GABRA2: variants seen among roughly 807,000 people sequenced by gnomAD.
The protein encoded by GABRA2 is gamma-aminobutyric acid receptor subunit alpha-2.
Under a neutral mutation model 48.7 loss-of-function variants are expected in GABRA2, and 16 were observed. The ratio of observed to expected loss-of-function variants is 0.33; its 90% CI spans 0.22 to 0.50. GABRA2 has a LOEUF of 0.50. Ranked by LOEUF, GABRA2 falls within the 20% of genes least tolerant of loss-of-function variation. GABRA2 has a pLI of 0.98. For synonymous variants in GABRA2, 185 were observed against 184.5 expected (o/e 1.00, Z -0.02); for missense variants, 275 against 535.6 (o/e 0.51, Z 4.80).
intron 8 of GABRA2, among the ~76,000 whole-genome samples, chr4:46,285,162 C>T (rs482179): frequency 0.61 from 92,582 of 151,688 alleles, 28,757 homozygotes; most frequent in South Asian, 0.76. Context: ...CATACACATA[C>T]GCTCATACAG....
chr4:46,254,247 C>A (rs1480930707), intron 9 of GABRA2, among the ~76,000 whole-genome samples: 1 of 151,404 alleles, frequency 6.6e-6, no homozygotes, highest in Non-Finnish European at 1.5e-5. Flanking sequence ...TCCAGCCACA[C>A]CATCAGCAGG....
At chr4:46,359,712 T>C (rs898066790) in intron 3 of GABRA2, among the ~76,000 whole-genome samples, 10 of 152,118 alleles carry the variant, frequency 6.6e-5, no homozygotes, top group African/African-American at 2.4e-4. Context: ...GGTCAGGAGA[T>C]TGAGACCATC....
intron 8 of GABRA2, among the ~76,000 whole-genome samples, chr4:46,286,937 G>GT (rs1195644957): frequency 6.6e-6 from 1 of 152,070 alleles, no homozygotes; most frequent in Non-Finnish European, 1.5e-5. Flanking sequence ...ATACACAAAA[G>GT]TTTTTTCATG....
chr4:46,308,621 A>T (rs931090439), intron 6 of GABRA2, among the ~76,000 whole-genome samples: 1 of 152,234 alleles, frequency 6.6e-6, no homozygotes, highest in African/African-American at 2.4e-5. Flanking sequence ...AATGTGAAGA[A>T]AACAAAATTA....
chr4:46,314,796 T>A (rs114494836), intron 4 of GABRA2, among the ~76,000 whole-genome samples: 2,136 of 152,242 alleles, frequency 0.014, 54 homozygotes, highest in African/African-American at 0.049. Context: ...GCTGCATCCA[T>A]GTTGCTGCAG....
chr4:46,325,559 T>G (rs1730209518), intron 4 of GABRA2, among the ~76,000 whole-genome samples: 1 of 152,046 alleles, frequency 6.6e-6, no homozygotes, highest in South Asian at 2.1e-4. Context: ...CCCTTTCCCA[T>G]GAAGAAGCTT....
intron 8 of GABRA2, among the ~76,000 whole-genome samples, chr4:46,288,063 C>G (rs1722899002): frequency 6.6e-6 from 1 of 152,082 alleles, no homozygotes; most frequent in Non-Finnish European, 1.5e-5. Context: ...ATCATGAGAA[C>G]AGAATGAGAA....
chr4:46,245,048 T>C lies in GABRA2; in HGVS notation c.*5260A>G, dbSNP rs1404348608. 6.6e-6 allele frequency among the ~76,000 whole-genome samples: 1 copy of C among 151,362 alleles called. No individual in the cohort carries two copies. The highest frequency in any genetic ancestry group is 1.5e-5 in the Non-Finnish European group (1 of 67,538). ...GTTGTTTTTTGTTTTTTTGTTTGTTTGTTTCGTTTACCTTTCCTATAATAT... is the reference window on the plus strand; with the variant it reads ...GTTGTTTTTTGTTTTTTTGTTTGTTCGTTTCGTTTACCTTTCCTATAATAT... On this transcript the variant is annotated 3_prime_UTR_variant, in exon 10 of 10. Coordinates refer to ENST00000381620, the MANE Select transcript of GABRA2 (RefSeq NM_000807.4).
intron 8 of GABRA2, among the ~76,000 whole-genome samples, chr4:46,263,335 A>AT (rs1717435041): frequency 6.6e-6 from 1 of 151,940 alleles, no homozygotes; most frequent in Non-Finnish European, 1.5e-5. Context: ...AATTAGCCCT[A>AT]TTTTTCTTAT....
intron 9 of GABRA2, chr4:46,260,663 T>C (rs900270866): frequency 5.3e-5 from 8 of 151,816 alleles, no homozygotes; most frequent in Non-Finnish European, 1.0e-4. Context: ...ATTGCATAGA[T>C]ACCATGAAAA....
rs200583709 is a variant in GABRA2 at position 46,250,277 on chromosome 4, T to C, written c.*31A>G. ...CAAAACAAACCAAATTTAATGTTGC[T>C]ATACATCCCAAAGATAACATGGGTC... On this transcript the variant is annotated 3_prime_UTR_variant, in exon 10 of 10. Transcript: ENST00000381620. The C allele has an allele frequency of 5.1e-6, 8 of 1,576,856 alleles. No homozygotes were observed. The South Asian group carries it at 9.3e-5, about 18-fold the overall frequency.
intron 4 of GABRA2, among the ~76,000 whole-genome samples, chr4:46,330,591 T>TATATAGAGAGAGAGAG (rs1411755120): frequency 0.028 from 3,425 of 121,894 alleles, 82 homozygotes; most frequent in Non-Finnish European, 0.045. Context: ...TATATATATA[T>TATATAGAGAGAGAGAG]AGAGAGAGAG....
chr4:46,369,417 A>G (rs1211366205), intron 3 of GABRA2, among the ~76,000 whole-genome samples: 3 of 152,168 alleles, frequency 2.0e-5, no homozygotes, highest in Non-Finnish European at 4.4e-5. Context: ...CCTGTGGATT[A>G]GAGGATGGAG....
intron 4 of GABRA2, among the ~76,000 whole-genome samples, chr4:46,313,178 GAAA>G (rs1356880325): frequency 5.2e-4 from 77 of 147,086 alleles, no homozygotes; most frequent in African/African-American, 1.9e-3. Context: ...AAATTAAAAA[GAAA>G]AAACATAACA....
chr4:46,355,934 A>G (rs369419138), intron 3 of GABRA2, among the ~76,000 whole-genome samples: 1 of 152,134 alleles, frequency 6.6e-6, no homozygotes, highest in South Asian at 2.1e-4. Flanking sequence ...TCTTGTTTAT[A>G]TTTCTCAATC....
chr4:46,329,329 A>G (rs1321169576), intron 4 of GABRA2, among the ~76,000 whole-genome samples: 1 of 152,114 alleles, frequency 6.6e-6, no homozygotes, highest in Non-Finnish European at 1.5e-5. Context: ...TAGTCACAAG[A>G]GAAGGGAGCT....
intron 8 of GABRA2, among the ~76,000 whole-genome samples, chr4:46,293,232 C>T (rs1175391333): frequency 1.3e-5 from 2 of 152,134 alleles, no homozygotes; most frequent in African/African-American, 2.4e-5. Flanking sequence ...AATCATGGTG[C>T]CTCAATCAGT....
intron 8 of GABRA2, among the ~76,000 whole-genome samples, chr4:46,278,995 T>C (rs1470525687): frequency 6.6e-6 from 1 of 151,568 alleles, no homozygotes; most frequent in Non-Finnish European, 1.5e-5. Context: ...TATTTGGTTT[T>C]ATATTATATA....
intron 3 of GABRA2, among the ~76,000 whole-genome samples, chr4:46,376,922 A>C (rs1715810024): frequency 6.6e-6 from 1 of 151,922 alleles, no homozygotes. Context: ...TTTTTGGTGG[A>C]GACGGGGTTT....
Sources: allele counts gnomAD v4.1 joint callset (sites outside exome capture counted in the v4.1 genomes callset), GRCh38; gene constraint gnomAD v4.1.1; transcripts MANE v1.5; gene names NCBI Gene and HGNC (gene_info 2026-07-23, HGNC 2026-07-21).